Variants in CEP192 observed in about 807,000 individuals in gnomAD.
The protein encoded by CEP192 is centrosomal protein 192.
Under a neutral mutation model 271.8 loss-of-function variants are expected in CEP192, and 151 were observed. The observed-to-expected ratio is 0.56, with a 90% confidence interval of 0.49 to 0.64. The LOEUF is 0.64. Among genes scored for constraint, CEP192 ranks in the 30% least tolerant of loss-of-function variants. The pLI, the probability that CEP192 is intolerant of heterozygous loss-of-function variation, is 0.00. For missense variants in CEP192, 2,910 were observed against 3,020.5 expected, an observed-to-expected ratio of 0.96 and a Z score of 0.86; for synonymous variants, 995 against 1,076.5, an observed-to-expected ratio of 0.92 and a Z score of 1.48.
chr18:13,036,840 G>A (rs889529373), intron 11 of CEP192, among the ~76,000 whole-genome samples: 7 of 152,200 alleles, frequency 4.6e-5, no homozygotes, highest in African/African-American at 9.7e-5. Flanking sequence ...CCTGGGGCAC[G>A]CTTGTAGCCA....
At chr18:13,117,973 A>T (rs955675838) in intron 44 of CEP192, among the ~76,000 whole-genome samples, 180 of 152,290 alleles carry the variant, frequency 1.2e-3, no homozygotes, top group Non-Finnish European at 4.0e-4. Flanking sequence ...TTCAAATGTT[A>T]TTTGCACTGG....
rs747861374 is a variant in CEP192, at chr18:13,053,102, C to G, written c.3189+12C>G. Reference sequence around the variant, plus strand: ...TGGAGGACCGCAAGGTGGGCAGCCACTTGGATTATTTATTACTAAGGCTTT... The same window carrying G: ...TGGAGGACCGCAAGGTGGGCAGCCAGTTGGATTATTTATTACTAAGGCTTT... On this transcript the variant is annotated intron_variant, in intron 18 of 44. Transcript: ENST00000506447. The G allele has an allele frequency of 1.8e-5, 28 of 1,593,010 alleles. No individual in the cohort carries two copies. In the East Asian group the frequency reaches 3.6e-4, roughly 20 times the overall value.
intron 6 of CEP192, among the ~76,000 whole-genome samples, chr18:13,016,502 G>A (rs2143076160): frequency 6.6e-6 from 1 of 152,304 alleles, no homozygotes; most frequent in South Asian, 2.1e-4. Context: ...TATCAAAGGA[G>A]TTTTCAGACT....
chr18:13,048,689 G>T (rs1420543303), intron 15 of CEP192, among the ~76,000 whole-genome samples, 170 bp from the exon 16 acceptor site: 2 of 152,208 alleles, frequency 1.3e-5, no homozygotes, highest in Admixed American at 6.5e-5. Flanking sequence ...GGGTGGGGAA[G>T]ATAGGAACAG....
intron 40 of CEP192, among the ~76,000 whole-genome samples, chr18:13,112,489 C>A (rs150010511): frequency 2.6e-5 from 4 of 152,322 alleles, no homozygotes; most frequent in African/African-American, 9.6e-5. Flanking sequence ...GTTAAAGTTC[C>A]CAGTATGTGC....
intron 34 of CEP192, among the ~76,000 whole-genome samples, chr18:13,093,586 C>T (rs1422602417): frequency 6.6e-6 from 1 of 152,194 alleles, no homozygotes; most frequent in Non-Finnish European, 1.5e-5. Flanking sequence ...AGTGGTGCTT[C>T]CTAGGTCCTT....
At position 13,056,453 on chromosome 18, in the gene CEP192, G is replaced by A. The variant is rs756758955; in HGVS notation, c.3863G>A (p.Cys1288Tyr). Residue 1288 changes from cysteine to tyrosine, a missense_variant, in exon 19 of 45, where the codon TGT (cysteine) becomes TAT (tyrosine). By Grantham distance (194) the Cys-to-Tyr change is radical. Coordinates refer to ENST00000506447, the MANE Select transcript of CEP192 (RefSeq NM_032142.4). ...TGCCATGCTGGCAATGCCACAGTCT[G>A]TGGCTTCTCAGGAGGCCTTCCCTAT... ...PQCHAGNATV[C>Y]GFSGGLPYPA... is the part of the protein sequence containing the mutation. 6.2e-7 allele frequency: 1 copy of A among 1,614,276 alleles called. No individual in the cohort carries two copies. Among genetic ancestry groups the A allele is most frequent in the Non-Finnish European group, 8.5e-7 (1 of 1,180,042 alleles).
intron 30 of CEP192, among the ~76,000 whole-genome samples, chr18:13,076,124 A>T (rs1410617557): frequency 6.6e-6 from 1 of 152,224 alleles, no homozygotes; most frequent in Non-Finnish European, 1.5e-5. Context: ...CACCACAAAG[A>T]ATCATACAGC....
chr18:13,072,130 T>G (rs891745159), intron 28 of CEP192, among the ~76,000 whole-genome samples: 1 of 152,220 alleles, frequency 6.6e-6, no homozygotes, highest in African/African-American at 2.4e-5. Flanking sequence ...AGCTGCTGAT[T>G]TATTAGCTGC....
rs561573220 is a variant in CEP192 at position 13,076,015 on chromosome 18, C to T, written c.5616+2830C>T. Among the ~76,000 whole-genome samples the T allele has an allele frequency of 1.1e-4, 16 of 152,256 alleles. No homozygotes were observed. The South Asian group carries it at 2.9e-3, about 28-fold the overall frequency. On this transcript the variant is annotated intron_variant, in intron 30 of 44. Coordinates refer to ENST00000506447, the MANE Select transcript of CEP192 (RefSeq NM_032142.4). ...ATTGGCAGAGTCTGGAGTTACTTTTCGTTTGTCATAACTGGGGGCAGGACA... is the reference window on the plus strand; with the variant it reads ...ATTGGCAGAGTCTGGAGTTACTTTTTGTTTGTCATAACTGGGGGCAGGACA...
chr18:12,999,648 T>G, intron 2 of CEP192, 60 bp downstream of exon 2: 1 of 1,219,022 alleles, frequency 8.2e-7, no homozygotes, highest in East Asian at 2.8e-5. Flanking sequence ...ATGCTGATAT[T>G]TATGTTCTGT....
chr18:12,999,638 A>T, intron 2 of CEP192, 50 bp downstream of exon 2: 2 of 1,310,774 alleles, frequency 1.5e-6, no homozygotes, highest in Non-Finnish European at 1.0e-6. Flanking sequence ...AGCCTATAGC[A>T]TGCTGATATT....
intron 3 of CEP192, among the ~76,000 whole-genome samples, chr18:13,002,800 T>C (rs911949468): frequency 6.6e-6 from 1 of 150,676 alleles, no homozygotes; most frequent in Non-Finnish European, 1.5e-5. Flanking sequence ...TTTAAATTTG[T>C]ATTTGCGTAT....
At chr18:13,014,053 G>A (rs1445162916) in intron 5 of CEP192, among the ~76,000 whole-genome samples, 5 of 152,220 alleles carry the variant, frequency 3.3e-5, no homozygotes, top group Non-Finnish European at 7.3e-5. Context: ...GCAGAATTGA[G>A]AAGTTGTGAC....
intron 12 of CEP192, 149 bp downstream of exon 12, chr18:13,037,450 CAT>C (rs1486737330): frequency 6.4e-5 from 31 of 487,662 alleles, no homozygotes; most frequent in Non-Finnish European, 9.7e-5. Flanking sequence ...CTTTTTCCCT[CAT>C]ACTCTAAATA....
chr18:13,099,097 G>T (rs973978923), intron 36 of CEP192, among the ~76,000 whole-genome samples: 38 of 151,468 alleles, frequency 2.5e-4, no homozygotes, highest in African/African-American at 9.2e-4. Flanking sequence ...GGAGAATCAG[G>T]CAGGGAGGTT....
At chr18:13,071,861 C>T (rs1458274954) in intron 28 of CEP192, among the ~76,000 whole-genome samples, 4 of 152,162 alleles carry the variant, frequency 2.6e-5, no homozygotes, top group Admixed American at 6.5e-5. Flanking sequence ...CTTTTGAGTA[C>T]ATTTAACTGA....
At chr18:13,027,947 C>G (rs1450157837) in intron 9 of CEP192, among the ~76,000 whole-genome samples, 2 of 151,944 alleles carry the variant, frequency 1.3e-5, no homozygotes, top group Non-Finnish European at 2.9e-5. Context: ...TGTGTATGAG[C>G]TTCCTAGGTT....
chr18:13,103,422 C>A, intron 38 of CEP192, 87 bp from the exon 39 acceptor site: 1 of 976,940 alleles, frequency 1.0e-6, no homozygotes. Flanking sequence ...TTTTTAACCC[C>A]AGTATGAGGT....
Sources: allele counts gnomAD v4.1 joint callset (sites outside exome capture counted in the v4.1 genomes callset), GRCh38; gene constraint gnomAD v4.1.1; transcripts MANE v1.5; gene names NCBI Gene and HGNC (gene_info 2026-07-23, HGNC 2026-07-21).